CLYBL: variants seen among roughly 807,000 people sequenced by gnomAD.
CLYBL encodes the protein citramalyl-CoA lyase, mitochondrial.
CLYBL carries 31 observed loss-of-function variants against 38.9 expected under a neutral mutation model. That is an observed-to-expected ratio of 0.80 (90% CI 0.60 to 1.08). The LOEUF (loss-of-function observed/expected upper bound fraction) is 1.08. CLYBL is among the 50% of genes least tolerant of loss of function. The probability of loss-of-function intolerance (pLI) is 0.00; values close to 1 mark genes in which losing one functional copy is unlikely to be tolerated. For missense variants in CLYBL, 434 were observed against 411.6 expected (o/e 1.05, Z -0.47); for synonymous variants, 171 against 158.6 (o/e 1.08, Z -0.59).
chr13:99,829,849 C>G (rs1339782223), intron 2 of CLYBL, among the ~76,000 whole-genome samples: 1 of 152,170 alleles, frequency 6.6e-6, no homozygotes, highest in Non-Finnish European at 1.5e-5. Context: ...AGTGTATAAG[C>G]TCCGTGAGAG....
chr13:99,629,540 A>T lies in CLYBL; in HGVS notation c.62+22783A>T, dbSNP rs544422359. On this transcript the variant is annotated intron_variant, in intron 1 of 8. Transcript: ENST00000339105. ...TATGGTATCGAGAGATGCTGATTCC[A>T]TCTGCAGCTCCTTCTCTGTACTGTG... Among the ~76,000 whole-genome samples the T allele has an allele frequency of 2.0e-5, 3 of 152,174 alleles. No homozygotes were observed. The East Asian group carries it at 5.8e-4, about 29-fold the overall frequency.
chr13:99,859,354 G>A (rs1011100372), intron 3 of CLYBL, among the ~76,000 whole-genome samples: 5 of 152,136 alleles, frequency 3.3e-5, no homozygotes, highest in African/African-American at 9.7e-5. Flanking sequence ...TAGGTTGCCC[G>A]AGAATCTCAT....
At chr13:99,858,719 A>ATTAT (rs2051520348) in intron 2 of CLYBL, 142 bp from the exon 3 acceptor site, 1 of 625,540 alleles carries the variant, frequency 1.6e-6, no homozygotes, top group Non-Finnish European at 2.7e-6. Flanking sequence ...CCTTTCAAAT[A>ATTAT]TTATTTATTT....
intron 1 of CLYBL, among the ~76,000 whole-genome samples, chr13:99,630,065 GCCTAGGTAGC>G (rs149239224): frequency 0.25 from 38,728 of 151,928 alleles, 6,077 homozygotes; most frequent in East Asian, 0.58. Flanking sequence ...TGGCTTCTCT[GCCTAGGTAGC>G]CTTGCACCCC....
intron 2 of CLYBL, among the ~76,000 whole-genome samples, chr13:99,838,880 C>T (rs2051000944): frequency 6.6e-6 from 1 of 152,190 alleles, no homozygotes; most frequent in Admixed American, 6.5e-5. Flanking sequence ...ACCTCGTGAT[C>T]CACCCGCCTC....
chr13:99,803,823 G>A (rs1337242458), intron 2 of CLYBL, among the ~76,000 whole-genome samples: 1 of 152,148 alleles, frequency 6.6e-6, no homozygotes, highest in Non-Finnish European at 1.5e-5. Context: ...TCTAGTATGG[G>A]AGTCAGATAG....
chr13:99,702,413 G>A (rs2048080644), intron 1 of CLYBL, among the ~76,000 whole-genome samples: 1 of 151,866 alleles, frequency 6.6e-6, no homozygotes, highest in East Asian at 1.9e-4. Context: ...GGTGGATCAC[G>A]TGAGGCCAGG....
At chr13:99,617,649 G>T (rs189976684) in intron 1 of CLYBL, among the ~76,000 whole-genome samples, 47 of 134,606 alleles carry the variant, frequency 3.5e-4, no homozygotes, top group South Asian at 2.6e-3. Flanking sequence ...TTCAGAAGAT[G>T]TAAGAGTTTT....
intron 1 of CLYBL, among the ~76,000 whole-genome samples, chr13:99,735,850 T>C (rs2048657574): frequency 6.6e-6 from 1 of 152,028 alleles, no homozygotes; most frequent in Admixed American, 6.6e-5. Context: ...GCATACTGTA[T>C]CTTAGACAGA....
intron 1 of CLYBL, chr13:99,643,269 G>C (rs558835553): frequency 6.6e-6 from 1 of 152,578 alleles, no homozygotes; most frequent in Non-Finnish European, 1.5e-5. Context: ...CAAAGGCCAA[G>C]TTTTGATTGG....
In CLYBL at chr13:99,739,285, T is replaced by C. The variant is rs530168310; in HGVS notation, c.63-33539T>C. 1.1e-4 allele frequency among the ~76,000 whole-genome samples: 16 copies of C among 152,276 alleles called. No individual in the cohort carries two copies. The South Asian group carries it at 3.1e-3, about 30-fold the overall frequency. ...TAGACACACCGTGTGAACTTAGTAC[T>C]TGAGGAAAGGAAATGAGGGGAGGAA... On this transcript the variant is annotated intron_variant, in intron 1 of 8. Coordinates refer to ENST00000339105, the MANE Select transcript of CLYBL (RefSeq NM_206808.5).
At chr13:99,875,471 A>C (rs1413031221) in intron 7 of CLYBL, among the ~76,000 whole-genome samples, 1 of 152,180 alleles carries the variant, frequency 6.6e-6, no homozygotes, top group Non-Finnish European at 1.5e-5. Flanking sequence ...CTGCTCGCAC[A>C]CCTTTCATTT....
chr13:99,653,138 G>A (rs1267566228), intron 1 of CLYBL, among the ~76,000 whole-genome samples: 1 of 152,208 alleles, frequency 6.6e-6, no homozygotes, highest in East Asian at 1.9e-4. Context: ...AGGGTTTGTA[G>A]AGGGGAGTGG....
chr13:99,685,644 G>A (rs1167867858), intron 1 of CLYBL, among the ~76,000 whole-genome samples: 1 of 152,106 alleles, frequency 6.6e-6, no homozygotes, highest in African/African-American at 2.4e-5. Context: ...TGGCCTTAAG[G>A]TTTGCTGAGT....
At chr13:99,842,659 C>T (rs1176784325) in intron 2 of CLYBL, among the ~76,000 whole-genome samples, 1 of 152,090 alleles carries the variant, frequency 6.6e-6, no homozygotes, top group Admixed American at 6.6e-5. Context: ...CAGAACCAAC[C>T]CCAAGTGGGT....
At chr13:99,871,119 A>T in intron 7 of CLYBL, 57 bp downstream of exon 7, 1 of 1,584,282 alleles carries the variant, frequency 6.3e-7, no homozygotes, top group Non-Finnish European at 8.7e-7. Flanking sequence ...TGTCGGGAAG[A>T]ATGAAACAAA....
chr13:99,609,969 C>G (rs942939819), intron 1 of CLYBL, among the ~76,000 whole-genome samples: 2 of 152,126 alleles, frequency 1.3e-5, no homozygotes, highest in East Asian at 1.9e-4. Context: ...GTGGTGAGAT[C>G]GTAGCTCACT....
At chr13:99,871,788 G>A (rs2051907398) in intron 7 of CLYBL, among the ~76,000 whole-genome samples, 1 of 152,092 alleles carries the variant, frequency 6.6e-6, no homozygotes, top group African/African-American at 2.4e-5. Context: ...TATCTTAAAG[G>A]TTATTTGCAA....
intron 2 of CLYBL, among the ~76,000 whole-genome samples, chr13:99,853,081 G>A (rs2051369907): frequency 1.2e-5 from 1 of 82,490 alleles, no homozygotes; most frequent in Non-Finnish European, 2.4e-5. Context: ...TATGAATTCT[G>A]ACAAATGTAT....
Sources: gnomAD v4.1 joint callset for allele counts (sites outside exome capture counted in the v4.1 genomes callset) on GRCh38, gnomAD v4.1.1 for gene constraint, MANE v1.5 for transcripts, NCBI Gene and HGNC (gene_info 2026-07-23, HGNC 2026-07-21) for gene names.